The following PIBF1 variants were observed in gnomAD, a reference collection of about 807,000 sequenced individuals.
PIBF1 encodes progesterone immunomodulatory binding factor 1.
In PIBF1, 90 loss-of-function variants were observed where a neutral mutation model predicts 112.5. That is an observed-to-expected ratio of 0.80 (90% CI 0.67 to 0.95). PIBF1 has a LOEUF of 0.95. PIBF1 is among the 40% of genes least tolerant of loss of function. PIBF1 has a pLI of 0.00. For missense variants in PIBF1, 915 were observed against 852.3 expected, an observed-to-expected ratio of 1.07 and a Z score of -0.92; for synonymous variants, 301 against 288.6, an observed-to-expected ratio of 1.04 and a Z score of -0.44.
chr13:72,843,517 T>G (rs1004805035), intron 9 of PIBF1, among the ~76,000 whole-genome samples: 21 of 152,204 alleles, frequency 1.4e-4, no homozygotes, highest in African/African-American at 4.8e-4. Context: ...GTTTAAGTGA[T>G]TATCCTGCCT....
chr13:72,975,780 G>T (rs2043005456), intron 16 of PIBF1, among the ~76,000 whole-genome samples: 1 of 152,174 alleles, frequency 6.6e-6, no homozygotes, highest in Admixed American at 6.5e-5. Context: ...TATGTCCTAG[G>T]ATTCTGCTTT....
chr13:72,958,443 T>G (rs2042512703), intron 14 of PIBF1, among the ~76,000 whole-genome samples: 1 of 152,074 alleles, frequency 6.6e-6, no homozygotes, highest in African/African-American at 2.4e-5. Flanking sequence ...AACATCCCAT[T>G]CATGAATTTT....
At chr13:72,830,189 G>T (rs1488012973) in intron 8 of PIBF1, among the ~76,000 whole-genome samples, 1 of 152,104 alleles carries the variant, frequency 6.6e-6, no homozygotes, top group African/African-American at 2.4e-5. Context: ...AGACAATGGG[G>T]TTTTCTAAAT....
At chr13:72,785,820 T>G (rs759480384) in intron 2 of PIBF1, among the ~76,000 whole-genome samples, 35 of 152,244 alleles carry the variant, frequency 2.3e-4, no homozygotes, top group Non-Finnish European at 4.4e-4. Flanking sequence ...ATATCCAGAC[T>G]TACATTTTGT....
intron 5 of PIBF1, among the ~76,000 whole-genome samples, chr13:72,814,313 G>A (rs2036162549): frequency 6.6e-6 from 1 of 151,614 alleles, no homozygotes; most frequent in African/African-American, 2.4e-5. Context: ...GCAGGCATCT[G>A]TAATCCCAGC....
chr13:72,836,222 A>G (rs1023237853), intron 9 of PIBF1: 19 of 366,106 alleles, frequency 5.2e-5, no homozygotes, highest in Non-Finnish European at 9.3e-5. Flanking sequence ...ATTTATTTCA[A>G]TGGCAGATAT....
At chr13:72,901,688 GAAAAA>G (rs879492655) in intron 11 of PIBF1, among the ~76,000 whole-genome samples, 1 of 140,430 alleles carries the variant, frequency 7.1e-6, no homozygotes, top group African/African-American at 2.6e-5. Flanking sequence ...TCCTTCTCAA[GAAAAA>G]AAAAAAACCA....
chr13:72,931,981 G>A (rs182911153), intron 14 of PIBF1, among the ~76,000 whole-genome samples: 46 of 122,238 alleles, frequency 3.8e-4, no homozygotes, highest in East Asian at 1.5e-3. Context: ...TGGCTTTATC[G>A]CCCAGACTGG....
chr13:72,979,361 A>C (rs1594307669), intron 16 of PIBF1, among the ~76,000 whole-genome samples: 2 of 152,176 alleles, frequency 1.3e-5, no homozygotes, highest in South Asian at 4.1e-4. Flanking sequence ...TTTTCTTTGT[A>C]TATATTTTAT....
chr13:72,882,883 T>C (rs987299489), intron 10 of PIBF1, among the ~76,000 whole-genome samples: 11 of 152,230 alleles, frequency 7.2e-5, no homozygotes, highest in African/African-American at 2.7e-4. Context: ...AGTTTGGAGG[T>C]TCCTCAAAAA....
chr13:72,859,442 A>G (rs995242193), intron 10 of PIBF1, among the ~76,000 whole-genome samples: 1 of 152,204 alleles, frequency 6.6e-6, no homozygotes, highest in Non-Finnish European at 1.5e-5. Flanking sequence ...ATTATTAATT[A>G]AAAAATGGGT....
At chr13:72,968,044 C>T (rs1811364730) in intron 15 of PIBF1, among the ~76,000 whole-genome samples, 1 of 151,632 alleles carries the variant, frequency 6.6e-6, no homozygotes, top group Admixed American at 6.6e-5. Flanking sequence ...ATTAGCCGGG[C>T]GTAGTGGCGG....
intron 5 of PIBF1, among the ~76,000 whole-genome samples, chr13:72,820,865 C>T (rs2036527160): frequency 6.6e-6 from 1 of 152,142 alleles, no homozygotes; most frequent in Non-Finnish European, 1.5e-5. Flanking sequence ...CGTCTGCTTC[C>T]CCTCCCAGCT....
chr13:72,983,811 T>A (rs2043210695), intron 16 of PIBF1, among the ~76,000 whole-genome samples: 1 of 152,198 alleles, frequency 6.6e-6, no homozygotes, highest in South Asian at 2.1e-4. Flanking sequence ...TCTTTTTACA[T>A]GTTTTTCTTA....
chr13:72,796,178 A>G (rs959494381), intron 4 of PIBF1, among the ~76,000 whole-genome samples: 6 of 152,184 alleles, frequency 3.9e-5, no homozygotes, highest in Non-Finnish European at 8.8e-5. Context: ...CTTAAGAGTG[A>G]TAATGTCATA....
intron 13 of PIBF1, among the ~76,000 whole-genome samples, chr13:72,927,460 C>T (rs1040752651): frequency 2.6e-5 from 4 of 151,890 alleles, no homozygotes; most frequent in Admixed American, 6.6e-5. Flanking sequence ...GCCGAGATCG[C>T]GTCACTGCAC....
chr13:72,954,686 T>TC (rs1222178223), intron 14 of PIBF1, among the ~76,000 whole-genome samples: 1 of 152,214 alleles, frequency 6.6e-6, no homozygotes, highest in Non-Finnish European at 1.5e-5. Flanking sequence ...TGGCTGAGTC[T>TC]CCCCATCTTA....
intron 4 of PIBF1, among the ~76,000 whole-genome samples, chr13:72,796,044 A>T (rs889199146): frequency 6.6e-6 from 1 of 152,196 alleles, no homozygotes; most frequent in South Asian, 2.1e-4. Context: ...TTTACATTCT[A>T]AAAGTTATTG....
chr13:72,844,061 C>T (rs183699150), intron 9 of PIBF1, among the ~76,000 whole-genome samples: 13 of 152,228 alleles, frequency 8.5e-5, no homozygotes, highest in African/African-American at 2.2e-4. Flanking sequence ...ACCTATTATG[C>T]GTCAAGCATT....
Sources: allele counts gnomAD v4.1 joint callset (sites outside exome capture counted in the v4.1 genomes callset), GRCh38; gene constraint gnomAD v4.1.1; transcripts MANE v1.5; gene names NCBI Gene and HGNC (gene_info 2026-07-23, HGNC 2026-07-21).